HS3ST4: variants seen among roughly 807,000 people sequenced by gnomAD.
HS3ST4 encodes the protein heparan sulfate glucosamine 3-O-sulfotransferase 4.
HS3ST4 carries 17 observed loss-of-function variants against 29.2 expected under a neutral mutation model. That is an observed-to-expected ratio of 0.58 (90% CI 0.40 to 0.87). The LOEUF (loss-of-function observed/expected upper bound fraction) is 0.87. Among genes scored for constraint, HS3ST4 ranks in the 40% least tolerant of loss-of-function variants. HS3ST4 has a pLI of 0.00. For missense variants in HS3ST4, 627 were observed against 634.5 expected (o/e 0.99, Z 0.13); for synonymous variants, 314 against 285.7 (o/e 1.10, Z -1.00).
At chr16:25,939,729 C>T (rs561379552) in intron 1 of HS3ST4, among the ~76,000 whole-genome samples, 22 of 152,196 alleles carry the variant, frequency 1.4e-4, no homozygotes, top group South Asian at 4.1e-4. Context: ...GCTCAGGCTG[C>T]GCTGGGAGGG....
At chr16:26,107,289 T>TTA (rs199510584) in intron 1 of HS3ST4, among the ~76,000 whole-genome samples, 17 of 151,612 alleles carry the variant, frequency 1.1e-4, no homozygotes, top group African/African-American at 3.6e-4. Flanking sequence ...TTATGTATGT[T>TTA]TATATATGTG....
At chr16:26,040,472 T>A (rs1033635549) in intron 1 of HS3ST4, among the ~76,000 whole-genome samples, 2 of 151,940 alleles carry the variant, frequency 1.3e-5, no homozygotes, top group African/African-American at 4.8e-5. Context: ...CCCAGCTAAT[T>A]TTTTGTATTT....
chr16:25,745,922 T>C (rs17774701), intron 1 of HS3ST4, among the ~76,000 whole-genome samples: 9,955 of 152,288 alleles, frequency 0.065, 400 homozygotes, highest in East Asian at 0.16. Flanking sequence ...GATGTTACGT[T>C]TGGCAAATAT....
intron 1 of HS3ST4, among the ~76,000 whole-genome samples, chr16:26,044,671 A>G (rs4075434): frequency 0.043 from 6,472 of 152,190 alleles, 182 homozygotes; most frequent in Middle Eastern, 0.15. Flanking sequence ...CAAGCTAGGG[A>G]TACATATCCA....
chr16:25,956,403 G>A (rs1397003158), intron 1 of HS3ST4, among the ~76,000 whole-genome samples: 1 of 152,152 alleles, frequency 6.6e-6, no homozygotes, highest in Non-Finnish European at 1.5e-5. Flanking sequence ...TAGGGGACAA[G>A]ACAAGGATGC....
intron 1 of HS3ST4, among the ~76,000 whole-genome samples, chr16:26,048,025 C>T (rs189604927): frequency 6.6e-6 from 1 of 152,278 alleles, no homozygotes; most frequent in African/African-American, 2.4e-5. Context: ...CCTGGAAGTC[C>T]AAGATCAAGG....
At position 26,136,393 on chromosome 16, in the gene HS3ST4, C is replaced by T. The variant is rs1898284615; in HGVS notation, c.*145C>T. ...CATGCAGCCAGGATTGCCTCCAGTG[C>T]TGTTAGCTTAGGCAAACAGGTGGAT... On this transcript the variant is annotated 3_prime_UTR_variant, in exon 2 of 2. Coordinates refer to ENST00000331351, the MANE Select transcript of HS3ST4 (RefSeq NM_006040.3). 4 of 788,502 alleles carry T rather than the reference C, an allele frequency of 5.1e-6. No homozygotes were observed. Among genetic ancestry groups the T allele is most frequent in the Non-Finnish European group, 7.9e-6 (4 of 508,838 alleles). 48.8% of individuals were successfully genotyped at this position (788,502 alleles called of 1,614,324 possible).
intron 1 of HS3ST4, among the ~76,000 whole-genome samples, chr16:25,705,013 C>T (rs1427316786): frequency 6.6e-6 from 1 of 152,160 alleles, no homozygotes; most frequent in South Asian, 2.1e-4. Flanking sequence ...AGCCACCGCA[C>T]CCGGCCCTGG....
chr16:26,032,838 G>T lies in HS3ST4; in HGVS notation c.735-102774G>T, dbSNP rs113388810. ...GTGGTGGCGGCGACGGCAGCAGGAC[G>T]TAGGTGCTGGACGCGGGATGCAGTG... On this transcript the variant is annotated intron_variant, in intron 1 of 1. Transcript: ENST00000331351. 5.5e-4 allele frequency: 867 copies of T among 1,568,378 alleles called. 1 individual carries two copies. In the African/African-American group the frequency reaches 0.01, roughly 19 times the overall value.
rs569776356 is a variant in HS3ST4, at chr16:26,005,896, T to C, written c.735-129716T>C. Among the ~76,000 whole-genome samples the C allele has an allele frequency of 1.2e-3, 180 of 152,210 alleles. 1 individual carries two copies. Among genetic ancestry groups the C allele is most frequent in the African/African-American group, 4.3e-3 (179 of 41,538 alleles). ...ATATTTAGAAGCATCCCTGGCCAGA[T>C]TATAGTAGCATCCCCTGCTCCCAAT... On this transcript the variant is annotated intron_variant, in intron 1 of 1. Transcript: ENST00000331351.
intron 1 of HS3ST4, among the ~76,000 whole-genome samples, chr16:25,984,097 C>T (rs4073229): frequency 0.43 from 64,962 of 151,872 alleles, 15,461 homozygotes; most frequent in East Asian, 0.79. Context: ...CTCCTTGTAG[C>T]TATGTGAAAT....
intron 1 of HS3ST4, among the ~76,000 whole-genome samples, chr16:25,799,867 T>C (rs758569620): frequency 6.6e-6 from 1 of 152,186 alleles, no homozygotes; most frequent in Non-Finnish European, 1.5e-5. Context: ...TTTTTAGAAA[T>C]GGGTATCTCA....
chr16:25,789,475 TTTCTTTCTCTTTCC>T, intron 1 of HS3ST4, among the ~76,000 whole-genome samples: 1 of 147,800 alleles, frequency 6.8e-6, no homozygotes, highest in Non-Finnish European at 1.5e-5. Context: ...TCCTTCTTTC[TTTCTTTCTCTTTCC>T]TTCTTTCTTT....
chr16:25,727,489 A>G (rs1334521372), intron 1 of HS3ST4, among the ~76,000 whole-genome samples: 1 of 152,252 alleles, frequency 6.6e-6, no homozygotes, highest in East Asian at 1.9e-4. Context: ...AGTATAAGAT[A>G]CTTTAGAAAA....
chr16:25,792,595 A>G (rs1966871624), intron 1 of HS3ST4, among the ~76,000 whole-genome samples: 1 of 151,936 alleles, frequency 6.6e-6, no homozygotes, highest in Non-Finnish European at 1.5e-5. Context: ...ATAAATTTCT[A>G]AATATTCTTA....
intron 1 of HS3ST4, among the ~76,000 whole-genome samples, chr16:25,897,223 G>A (rs1008036758): frequency 1.3e-4 from 20 of 152,186 alleles, no homozygotes; most frequent in African/African-American, 4.6e-4. Context: ...GGAAGGCCAA[G>A]GCAGGAGCTC....
intron 1 of HS3ST4, among the ~76,000 whole-genome samples, chr16:25,993,589 C>T (rs569127728): frequency 2.0e-5 from 3 of 152,068 alleles, no homozygotes; most frequent in Admixed American, 6.6e-5. Flanking sequence ...CATTTAACCA[C>T]TCTGGGACTC....
chr16:25,710,176 A>G (rs1966406070), intron 1 of HS3ST4, among the ~76,000 whole-genome samples: 1 of 152,182 alleles, frequency 6.6e-6, no homozygotes, highest in Non-Finnish European at 1.5e-5. Context: ...TGGAGAAGAA[A>G]AATTCCCTTG....
intron 1 of HS3ST4, among the ~76,000 whole-genome samples, chr16:25,760,036 C>T (rs1214587686): frequency 6.6e-6 from 1 of 152,136 alleles, no homozygotes; most frequent in South Asian, 2.1e-4. Flanking sequence ...AGGTGAAGGT[C>T]AATGGCATCT....
Sources: gnomAD v4.1 joint callset for allele counts (sites outside exome capture counted in the v4.1 genomes callset) on GRCh38, gnomAD v4.1.1 for gene constraint, MANE v1.5 for transcripts, NCBI Gene and HGNC (gene_info 2026-07-23, HGNC 2026-07-21) for gene names.